Variants in IGSF3 observed in about 807,000 individuals in gnomAD.
The protein encoded by IGSF3 is glu-Trp-Ile EWI motif-containing protein 3.
In IGSF3, 23 loss-of-function variants were observed where a neutral mutation model predicts 114.4. The ratio of observed to expected loss-of-function variants is 0.20; its 90% CI spans 0.14 to 0.28. The LOEUF (loss-of-function observed/expected upper bound fraction) is 0.28, where lower values mean the gene tolerates loss of function less well. Ranked by LOEUF, IGSF3 falls within the 10% of genes least tolerant of loss-of-function variation. The pLI is 1.00. For missense variants in IGSF3, 1,172 were observed against 1,591.5 expected (o/e 0.74, Z 4.48); for synonymous variants, 571 against 645.2 (o/e 0.88, Z 1.74).
rs1347596248 is a variant in IGSF3 at position 116,642,977 on chromosome 1, A to G, written c.43+23307T>C. On this transcript the variant is annotated intron_variant, in intron 2 of 10. Coordinates refer to ENST00000369486, the MANE Select transcript of IGSF3 (RefSeq NM_001007237.3). This position sits in a 1 kb window ranked among gnomAD's most constrained non-coding sequence, Gnocchi z 5.4. ...CTCACTCCCCTCACCTCTGCCCCTA[A>G]AGCAATTATTCATTAACCACAGGGA... is the stretch of plus-strand genomic sequence containing the variant. Among the ~76,000 whole-genome samples, 1 of 152,106 alleles carries G rather than the reference A, an allele frequency of 6.6e-6. No homozygotes were observed. Among genetic ancestry groups the G allele is most frequent in the Non-Finnish European group, 1.5e-5 (1 of 68,006 alleles).
rs1280186217 is a variant in IGSF3 at position 116,654,457 on chromosome 1, A to G, written c.43+11827T>C. On this transcript the variant is annotated intron_variant, in intron 2 of 10. Coordinates refer to ENST00000369486, the MANE Select transcript of IGSF3 (RefSeq NM_001007237.3). This position sits in a 1 kb window ranked among gnomAD's most constrained non-coding sequence, Gnocchi z 4.4. Reference sequence around the variant, plus strand: ...GTTGGGAGAGGGCATCTGGCAAGGAACAGACCTGGAAGAGCCTGCCCTTCA... The same window carrying G: ...GTTGGGAGAGGGCATCTGGCAAGGAGCAGACCTGGAAGAGCCTGCCCTTCA... Among the ~76,000 whole-genome samples the G allele has an allele frequency of 6.6e-6, 1 of 152,182 alleles. No homozygotes were observed. Among genetic ancestry groups the G allele is most frequent in the Non-Finnish European group, 1.5e-5 (1 of 68,020 alleles).
In IGSF3 at chr1:116,600,619, G is replaced by A. The variant is rs924571356; in HGVS notation, c.1625-274C>T. The stretch of plus-strand genomic sequence containing the variant: ...ATCCTCGTGCATTTGCTCCTCCCCT[G>A]GAATTAGACATCACAATCCTCTCAG... On this transcript the variant is annotated intron_variant, in intron 6 of 10. Coordinates refer to ENST00000369486, the MANE Select transcript of IGSF3 (RefSeq NM_001007237.3). The surrounding 1 kb of genome is among the most constrained non-coding windows in gnomAD (Gnocchi z 5.5). Among the ~76,000 whole-genome samples the A allele has an allele frequency of 2.0e-5, 3 of 152,124 alleles. 1 individual carries two copies. The highest frequency in any genetic ancestry group is 7.2e-5 in the African/African-American group (3 of 41,408).
chr1:116,661,007 A>G lies in IGSF3; in HGVS notation c.43+5277T>C, dbSNP rs150603640. Among the ~76,000 whole-genome samples, 36 of 152,218 alleles carry G rather than the reference A, an allele frequency of 2.4e-4. No homozygotes were observed. In the East Asian group the frequency reaches 5.4e-3, roughly 23 times the overall value. On this transcript the variant is annotated intron_variant, in intron 2 of 10. Coordinates refer to ENST00000369486, the MANE Select transcript of IGSF3 (RefSeq NM_001007237.3). The surrounding 1 kb of genome is among the most constrained non-coding windows in gnomAD (Gnocchi z 4.0). ...AAACCATTCACTCATCAAAAAATTAACTGGGCCAGGTGTGGTAGCTCACGC... is the reference window on the plus strand; with the variant it reads ...AAACCATTCACTCATCAAAAAATTAGCTGGGCCAGGTGTGGTAGCTCACGC...
chr1:116,579,426 C>G lies in IGSF3; in HGVS notation c.3300G>C (p.Glu1100Asp), dbSNP rs761076449. 5 of 1,598,734 alleles carry G rather than the reference C, an allele frequency of 3.1e-6. No homozygotes were observed. The East Asian group carries it at 1.1e-4, about 36-fold the overall frequency. ...QKEWYRLTEE[E>D]SAPIGIRVLD... ...GAACACGGATGCCGATGGGGGCTGA[C>G]TCCTCCTCCGTCAGCCGGTACCATT... The change falls in exon 10 of 11, where the codon GAG becomes GAC. Residue 1100 changes from glutamate to aspartate, a missense_variant. Glu to Asp is a conservative substitution (Grantham distance 45). Around this residue, in one of 3 missense-constraint regions of IGSF3, gnomAD observed 423 missense variants for 509.8 expected, o/e 0.83. Coordinates refer to ENST00000369486, the MANE Select transcript of IGSF3 (RefSeq NM_001007237.3). This position sits in a 1 kb window ranked among gnomAD's most constrained non-coding sequence, Gnocchi z 6.4.
rs1257445895 is a variant in IGSF3, at chr1:116,589,481, TC to T, written c.2030-378del. The stretch of plus-strand genomic sequence containing the variant: ...AACAATTCCTTTTCACAGCACAAAG[TC>T]CCTTCAGGATCTGGCCTTCACCCAA... On this transcript the variant is annotated intron_variant, in intron 7 of 10. Coordinates refer to ENST00000369486, the MANE Select transcript of IGSF3 (RefSeq NM_001007237.3). The surrounding 1 kb of genome is among the most constrained non-coding windows in gnomAD (Gnocchi z 5.7). 6.6e-6 allele frequency among the ~76,000 whole-genome samples: 1 copy of T among 151,996 alleles called. No individual in the cohort carries two copies. The highest frequency in any genetic ancestry group is 1.5e-5 in the Non-Finnish European group (1 of 68,004).
In IGSF3 at chr1:116,636,599, A is replaced by G. The variant is rs577178188; in HGVS notation, c.44-20142T>C. On this transcript the variant is annotated intron_variant, in intron 2 of 10. Transcript: ENST00000369486. This position sits in a 1 kb window ranked among gnomAD's most constrained non-coding sequence, Gnocchi z 4.5. ...CAGTCATCTGGCCCAGACTTGGAGA[A>G]GCTGTGATCTGTCTAGCCCTTCTAC... 2.6e-5 allele frequency among the ~76,000 whole-genome samples: 4 copies of G among 152,334 alleles called. No homozygotes were observed. Among genetic ancestry groups the G allele is most frequent in the East Asian group, 3.9e-4 (2 of 5,188 alleles).
At chr1:116,646,631 A>T (rs1232840903) in intron 2 of IGSF3, among the ~76,000 whole-genome samples, 1 of 152,192 alleles carries the variant, frequency 6.6e-6, no homozygotes, top group Non-Finnish European at 1.5e-5. Context: ...GGTGAAATAC[A>T]GAGGAGGTAG....
rs1412804332 is a variant in IGSF3, at chr1:116,651,479, A to C, written c.43+14805T>G. 6.6e-6 allele frequency among the ~76,000 whole-genome samples: 1 copy of C among 152,220 alleles called. No homozygotes were observed. Among genetic ancestry groups the C allele is most frequent in the Non-Finnish European group, 1.5e-5 (1 of 68,032 alleles). Reference sequence around the variant, plus strand: ...CCCACAGTCTATATCACAGATCACCAGTTTTAGCTGTTTGAAGTTTTAGAA... The same window carrying C: ...CCCACAGTCTATATCACAGATCACCCGTTTTAGCTGTTTGAAGTTTTAGAA... On this transcript the variant is annotated intron_variant, in intron 2 of 10. Coordinates refer to ENST00000369486, the MANE Select transcript of IGSF3 (RefSeq NM_001007237.3). The surrounding 1 kb of genome is among the most constrained non-coding windows in gnomAD (Gnocchi z 4.4).
intron 4 of IGSF3, among the ~76,000 whole-genome samples, chr1:116,611,304 C>T (rs369157445): frequency 5.3e-5 from 8 of 152,196 alleles, no homozygotes; most frequent in African/African-American, 1.9e-4. Context: ...TTTATTCATA[C>T]AAAATCTTCT....
At position 116,610,214 on chromosome 1, in the gene IGSF3, C is replaced by A. The variant is rs1298132060; in HGVS notation, c.833-1883G>T. On this transcript the variant is annotated intron_variant, in intron 4 of 10. Coordinates refer to ENST00000369486, the MANE Select transcript of IGSF3 (RefSeq NM_001007237.3). The surrounding 1 kb of genome is among the most constrained non-coding windows in gnomAD (Gnocchi z 4.3). ...ACCCAGTTAGTCATTTATAACCCAACATCAATGACAGAAAAGCACTCCTTC... is the reference window on the plus strand; with the variant it reads ...ACCCAGTTAGTCATTTATAACCCAAAATCAATGACAGAAAAGCACTCCTTC... Among the ~76,000 whole-genome samples the A allele has an allele frequency of 6.6e-6, 1 of 152,214 alleles. No homozygotes were observed. Among genetic ancestry groups the A allele is most frequent in the Non-Finnish European group, 1.5e-5 (1 of 68,042 alleles).
intron 2 of IGSF3, among the ~76,000 whole-genome samples, chr1:116,639,645 C>G (rs1647993143): frequency 6.6e-6 from 1 of 152,194 alleles, no homozygotes; most frequent in African/African-American, 2.4e-5. Context: ...CAAAGCAAGT[C>G]AAAGCATTAG....
At position 116,579,603 on chromosome 1, in the gene IGSF3, G is replaced by C; in HGVS notation, c.3123C>G (p.Val1041=). ...TALLSVGPDA[V]FGPEGSPWEG... ...CCCAAGGACTGCCCTCTGGGCCAAA[G>C]ACAGCATCTGGGCCCACGCTCAGCA... The change falls in exon 10 of 11, where the codon GTC becomes GTG. Residue 1041 remains valine (V), a synonymous_variant. Coordinates refer to ENST00000369486, the MANE Select transcript of IGSF3 (RefSeq NM_001007237.3). The surrounding 1 kb of genome is among the most constrained non-coding windows in gnomAD (Gnocchi z 6.4). 3.7e-6 allele frequency: 6 copies of C among 1,614,168 alleles called. No homozygotes were observed. The highest frequency in any genetic ancestry group is 5.1e-6 in the Non-Finnish European group (6 of 1,180,032).
At position 116,665,314 on chromosome 1, in the gene IGSF3, C is replaced by T. The variant is rs921052921; in HGVS notation, c.43+970G>A. On this transcript the variant is annotated intron_variant, in intron 2 of 10. Coordinates refer to ENST00000369486, the MANE Select transcript of IGSF3 (RefSeq NM_001007237.3). The surrounding 1 kb of genome is among the most constrained non-coding windows in gnomAD (Gnocchi z 4.0). ...ACACCTAGATTTGGAGACGTGAACC[C>T]TGTAGGCAACAATCATAATCCCTTC... is the stretch of plus-strand genomic sequence containing the variant. 2.6e-5 allele frequency among the ~76,000 whole-genome samples: 4 copies of T among 152,174 alleles called. No homozygotes were observed. The highest frequency in any genetic ancestry group is 9.7e-5 in the African/African-American group (4 of 41,422).
intron 2 of IGSF3, among the ~76,000 whole-genome samples, chr1:116,656,963 C>G (rs1648884506): frequency 1.3e-5 from 2 of 152,108 alleles, no homozygotes; most frequent in African/African-American, 4.8e-5. Flanking sequence ...TTAATTAAAG[C>G]AAACAAATAT....
In IGSF3 at chr1:116,600,936, C is replaced by G. The variant is rs142610287; in HGVS notation, c.1625-591G>C. Among the ~76,000 whole-genome samples, 1 of 152,158 alleles carries G rather than the reference C, an allele frequency of 6.6e-6. No individual in the cohort carries two copies. ...TAAATGCAGGGTTCTGCAGGCTCAG[C>G]GGCTGTGGGTCTCTCAATATTCCTT... On this transcript the variant is annotated intron_variant, in intron 6 of 10. Coordinates refer to ENST00000369486, the MANE Select transcript of IGSF3 (RefSeq NM_001007237.3). The surrounding 1 kb of genome is among the most constrained non-coding windows in gnomAD (Gnocchi z 5.5).
At position 116,576,206 on chromosome 1, in the gene IGSF3, C is replaced by T. The variant is rs577426762; in HGVS notation, c.*1106G>A. 2.0e-5 allele frequency: 3 copies of T among 152,720 alleles called. No homozygotes were observed. The highest frequency in any genetic ancestry group is 4.4e-5 in the Non-Finnish European group (3 of 68,186). The allele number at this position is 152,720 out of a possible 1,614,324, so 9.5% of individuals were successfully genotyped here. A position where few individuals can be genotyped will look rare whatever the true frequency, so the allele number is the denominator to read the frequency against. On this transcript the variant is annotated 3_prime_UTR_variant, in exon 11 of 11. Transcript: ENST00000369486. The surrounding 1 kb of genome is among the most constrained non-coding windows in gnomAD (Gnocchi z 4.6). The stretch of plus-strand genomic sequence containing the variant: ...CCCCCTCCCACCCCTCACTGTCCCA[C>T]CAAACTTAGTGTCAGCCAGCCCCGT...
rs890571016 is a variant in IGSF3 at position 116,655,951 on chromosome 1, G to C, written c.43+10333C>G. On this transcript the variant is annotated intron_variant, in intron 2 of 10. Transcript: ENST00000369486. This position sits in a 1 kb window ranked among gnomAD's most constrained non-coding sequence, Gnocchi z 4.3. Reference sequence around the variant, plus strand: ...TATTTTTATTATGACTTGCTCTCCTGATACAGCAAAATTTATTGTTATATA... The same window carrying C: ...TATTTTTATTATGACTTGCTCTCCTCATACAGCAAAATTTATTGTTATATA... Among the ~76,000 whole-genome samples the C allele has an allele frequency of 1.3e-5, 2 of 152,056 alleles. No individual in the cohort carries two copies. The highest frequency in any genetic ancestry group is 4.8e-5 in the African/African-American group (2 of 41,378).
rs7527629 is a variant in IGSF3 at position 116,644,889 on chromosome 1, C to A, written c.43+21395G>T. Among the ~76,000 whole-genome samples the A allele has an allele frequency of 9.3e-3, 1,415 of 152,282 alleles. 30 individuals carry two copies. The highest frequency in any genetic ancestry group is 0.033 in the African/African-American group (1,371 of 41,528). On this transcript the variant is annotated intron_variant, in intron 2 of 10. Transcript: ENST00000369486. The surrounding 1 kb of genome is among the most constrained non-coding windows in gnomAD (Gnocchi z 5.6). ...AGGGAAAAGAACCTAGATTAGGCAT[C>A]AAAAGTACCCGGTCCCCTTCATACA...
rs1647361583 is a variant in IGSF3, at chr1:116,627,683, G to C, written c.44-11226C>G. ...CGCCAACAGCAAAAGCACTTGGGGG[G>C]CTTTTTCAAGTGGCATCAGAACTAG... On this transcript the variant is annotated intron_variant, in intron 2 of 10. Coordinates refer to ENST00000369486, the MANE Select transcript of IGSF3 (RefSeq NM_001007237.3). This position sits in a 1 kb window ranked among gnomAD's most constrained non-coding sequence, Gnocchi z 4.7. Among the ~76,000 whole-genome samples the C allele has an allele frequency of 6.6e-6, 1 of 152,200 alleles. No homozygotes were observed. Among genetic ancestry groups the C allele is most frequent in the Non-Finnish European group, 1.5e-5 (1 of 68,036 alleles).
Sources: allele counts gnomAD v4.1 joint callset (sites outside exome capture counted in the v4.1 genomes callset), GRCh38; gene constraint gnomAD v4.1.1; regional missense constraint gnomAD v4.1.1; non-coding constraint Gnocchi (gnomAD v3.1); transcripts MANE v1.5; gene names NCBI Gene and HGNC (gene_info 2026-07-23, HGNC 2026-07-21).